The following TYW5 variants were observed in gnomAD, a reference collection of about 807,000 sequenced individuals.
TYW5 encodes the protein tRNA-yW synthesizing protein 5.
A neutral mutation model predicts 44.4 loss-of-function variants in TYW5; 36 were observed. That is an observed-to-expected ratio of 0.81 (90% confidence interval 0.62 to 1.07). The LOEUF (loss-of-function observed/expected upper bound fraction) is 1.07. TYW5 is among the 50% of genes least tolerant of loss of function. TYW5 has a pLI of 0.00. For missense variants in TYW5, 354 were observed against 365.7 expected (o/e 0.97, Z 0.26); for synonymous variants, 121 against 128.1 (o/e 0.94, Z 0.37).
rs771756428 is a variant in TYW5 at position 199,955,377 on chromosome 2, C to T, written c.78+16G>A. 1.9e-6 allele frequency: 3 copies of T among 1,612,252 alleles called. No individual in the cohort carries two copies. Among genetic ancestry groups the T allele is most frequent in the East Asian group, 4.5e-5 (2 of 44,814 alleles). On this transcript the variant is annotated intron_variant, in intron 1 of 7. Transcript: ENST00000354611. Reference sequence around the variant, plus strand: ...TCGCTGGTTTCTCGAGGTTCTGCCCCGCGCGAGGGCCTCACCTGTGGGTAG... The same window carrying T: ...TCGCTGGTTTCTCGAGGTTCTGCCCTGCGCGAGGGCCTCACCTGTGGGTAG...
In TYW5 at chr2:199,955,222, G is replaced by C. The variant is rs374731667; in HGVS notation, c.78+171C>G. 1.5e-5 allele frequency: 9 copies of C among 615,962 alleles called. No homozygotes were observed. In the Admixed American group the frequency reaches 2.8e-4, roughly 19 times the overall value. 38.2% of individuals were successfully genotyped at this position (615,962 alleles called of 1,614,324 possible). ...GGAAATTTCAATAGAGGAGCCAGTC[G>C]GCGTCCCCCGTGCACCTTTCCCTTG... On this transcript the variant is annotated intron_variant, in intron 1 of 7. Transcript: ENST00000354611.
chr2:199,928,994 A>G lies in TYW5; in HGVS notation c.*4073T>C, dbSNP rs1444617728. 6.6e-6 allele frequency among the ~76,000 whole-genome samples: 1 copy of G among 152,202 alleles called. No homozygotes were observed. Among genetic ancestry groups the G allele is most frequent in the East Asian group, 1.9e-4 (1 of 5,194 alleles). On this transcript the variant is annotated 3_prime_UTR_variant, in exon 8 of 8. Coordinates refer to ENST00000354611, the MANE Select transcript of TYW5 (RefSeq NM_001039693.3). ...ATTCATAAAAGAGCTATTTTGTTTTATTTCACTTGAAGTTCTTAAGAGAAA... is the reference window on the plus strand; with the variant it reads ...ATTCATAAAAGAGCTATTTTGTTTTGTTTCACTTGAAGTTCTTAAGAGAAA...
At chr2:199,935,719 AACACACACACACAC>A (rs142361195) in intron 7 of TYW5, among the ~76,000 whole-genome samples, 198 bp downstream of exon 7, 1,979 of 138,104 alleles carry the variant, frequency 0.014, 33 homozygotes, top group South Asian at 0.054. Context: ...GCCTGCTTTA[AACACACACACACAC>A]ACACACACAC....
At chr2:199,941,849 G>A (rs2077467205) in intron 3 of TYW5, among the ~76,000 whole-genome samples, 1 of 152,138 alleles carries the variant, frequency 6.6e-6, no homozygotes, top group African/African-American at 2.4e-5. Flanking sequence ...TCTTCTTGGG[G>A]TAGTCACAAC....
At chr2:199,944,778 C>T (rs543226685) in intron 2 of TYW5, 36 of 152,264 alleles carry the variant, frequency 2.4e-4, no homozygotes, top group African/African-American at 7.7e-4. Flanking sequence ...CTGAGAAAGT[C>T]GAAAGAAAAG....
chr2:199,939,094 GAAAAA>G, intron 4 of TYW5, 24 bp from the exon 5 acceptor site: 1 of 1,575,568 alleles, frequency 6.3e-7, no homozygotes, highest in African/African-American at 1.4e-5. Flanking sequence ...AACATAAAAA[GAAAAA>G]ATTAGATTAG....
chr2:199,945,226 G>A (rs1418229505), intron 2 of TYW5: 7 of 152,116 alleles, frequency 4.6e-5, no homozygotes, highest in Non-Finnish European at 8.8e-5. Context: ...TTACAACTAA[G>A]CTGTAACTTG....
chr2:199,945,784 C>T (rs72928227), intron 2 of TYW5: 1 of 152,284 alleles, frequency 6.6e-6, no homozygotes, highest in Non-Finnish European at 1.5e-5. Flanking sequence ...GTAGCTCAGC[C>T]CAGATAAGCA....
intron 4 of TYW5, 32 bp from the exon 5 acceptor site, chr2:199,939,102 T>A: frequency 6.4e-7 from 1 of 1,573,202 alleles, no homozygotes; most frequent in Non-Finnish European, 8.6e-7. Context: ...AAGAAAAAAT[T>A]AGATTAGACC....
chr2:199,932,275 A>ATT lies in TYW5; in HGVS notation c.*790_*791dup, dbSNP rs1352753091. 2 of 152,164 alleles carry ATT rather than the reference A, an allele frequency of 1.3e-5. No individual in the cohort carries two copies. The highest frequency in any genetic ancestry group is 4.8e-5 in the African/African-American group (2 of 41,440). 9.4% of individuals were successfully genotyped at this position (152,164 alleles called of 1,614,324 possible). On this transcript the variant is annotated 3_prime_UTR_variant, in exon 8 of 8. Transcript: ENST00000354611. ...AAAGTTGGGACCTAGGTATCTGTAC[A>ATT]TTTTTTAAAGTTCCTCAAAAAATTC... is the stretch of plus-strand genomic sequence containing the variant.
intron 5 of TYW5, among the ~76,000 whole-genome samples, chr2:199,937,526 G>A (rs1360430292): frequency 2.0e-5 from 3 of 151,812 alleles, no homozygotes; most frequent in East Asian, 3.9e-4. Flanking sequence ...AAAATTAGCC[G>A]GGTGTGGTTG....
chr2:199,949,754 A>G (rs2077530739), intron 1 of TYW5, among the ~76,000 whole-genome samples: 1 of 152,250 alleles, frequency 6.6e-6, no homozygotes, highest in South Asian at 2.1e-4. Context: ...TTTTGCTATG[A>G]TGAGTGCAAA....
At chr2:199,939,978 G>T in intron 4 of TYW5, 111 bp downstream of exon 4, 1 of 1,023,780 alleles carries the variant, frequency 9.8e-7, no homozygotes, top group South Asian at 1.4e-5. Context: ...GAATGGAAAA[G>T]GATAGAACAG....
At chr2:199,939,149 C>T (rs1374548569) in intron 4 of TYW5, 79 bp from the exon 5 acceptor site, 2 of 1,328,868 alleles carry the variant, frequency 1.5e-6, no homozygotes, top group Non-Finnish European at 2.0e-6. Flanking sequence ...AAACTTTGTT[C>T]ACTGCTTTAA....
chr2:199,953,476 G>A (rs1345481001), intron 1 of TYW5, among the ~76,000 whole-genome samples: 1 of 152,210 alleles, frequency 6.6e-6, no homozygotes, highest in African/African-American at 2.4e-5. Context: ...GGTCAATTGT[G>A]CTGTGAACCT....
chr2:199,943,719 T>C (rs1423816570), intron 3 of TYW5, 46 bp downstream of exon 3: 2 of 1,427,432 alleles, frequency 1.4e-6, no homozygotes, highest in Non-Finnish European at 9.7e-7. Context: ...ATCCATTTAG[T>C]ATATAGATAT....
chr2:199,951,534 C>A (rs1390665205), intron 1 of TYW5, among the ~76,000 whole-genome samples: 4 of 152,108 alleles, frequency 2.6e-5, no homozygotes, highest in African/African-American at 7.2e-5. Context: ...ACAAAAGTCA[C>A]CCCATCCACA....
intron 1 of TYW5, 112 bp from the exon 2 acceptor site, chr2:199,948,584 G>GA: frequency 9.5e-7 from 1 of 1,049,362 alleles, no homozygotes; most frequent in Non-Finnish European, 1.4e-6. Context: ...TTGCTCCCAA[G>GA]ATGCTTGAAC....
At chr2:199,933,421 AAG>A in intron 7 of TYW5, 98 bp from the exon 8 acceptor site, 1 of 1,022,760 alleles carries the variant, frequency 9.8e-7, no homozygotes, top group East Asian at 2.5e-5. Context: ...TAGCCAATGT[AAG>A]AAATAATTCT....
Sources: gnomAD v4.1 joint callset for allele counts (sites outside exome capture counted in the v4.1 genomes callset) on GRCh38, gnomAD v4.1.1 for gene constraint, MANE v1.5 for transcripts, NCBI Gene and HGNC (gene_info 2026-07-23, HGNC 2026-07-21) for gene names.